The following TTC7B variants were observed in gnomAD, a reference collection of about 807,000 sequenced individuals.
TTC7B encodes the protein tetratricopeptide repeat domain 7B, also known as tetratricopeptide repeat protein 7B.
A neutral mutation model predicts 106.8 loss-of-function variants in TTC7B; 28 were observed. The observed-to-expected ratio is 0.26, with a 90% confidence interval of 0.19 to 0.36. TTC7B has a LOEUF of 0.36. Ranked by LOEUF, TTC7B falls within the 10% of genes least tolerant of loss-of-function variation. The pLI is 1.00. For missense variants in TTC7B, 862 were observed against 1,076.4 expected (o/e 0.80, Z 2.79); for synonymous variants, 405 against 430.6 (o/e 0.94, Z 0.74).
In TTC7B at chr14:90,678,343, G is replaced by A. The variant is rs566574024; in HGVS notation, c.1015-1683C>T. Among the ~76,000 whole-genome samples the A allele has an allele frequency of 6.6e-5, 10 of 152,168 alleles. 1 individual carries two copies. Among genetic ancestry groups the A allele is most frequent in the East Asian group, 3.9e-4 (2 of 5,176 alleles). ...GATACCTTGTAGGTGGAGAAGCGAC[G>A]GACAAATTCATGCTTCTGAATTAAA... On this transcript the variant is annotated intron_variant, in intron 8 of 19. Coordinates refer to ENST00000328459, the MANE Select transcript of TTC7B (RefSeq NM_001010854.2).
chr14:90,578,248 G>A lies in TTC7B; in HGVS notation c.2168C>T (p.Ala723Val), dbSNP rs1194709809. 6.2e-7 allele frequency: 1 copy of A among 1,614,118 alleles called. No homozygotes were observed. The highest frequency in any genetic ancestry group is 2.2e-5 in the East Asian group (1 of 44,890). ...AEATACTQEAANLFPMSHNVL... is the reference protein window; with the variant it reads ...AEATACTQEAVNLFPMSHNVL... Reference sequence around the variant, plus strand: ...ATTGTGGGACATTGGGAAGAGGTTGGCAGCTTCTTGGGTACAGGCTGTGGC... The same window carrying A: ...ATTGTGGGACATTGGGAAGAGGTTGACAGCTTCTTGGGTACAGGCTGTGGC... The change falls in exon 19 of 20, where the codon GCC (alanine) becomes GTC (valine). Residue 723 changes from alanine to valine, a missense_variant. Ala to Val is a moderately conservative substitution (Grantham distance 64). Coordinates refer to ENST00000328459, the MANE Select transcript of TTC7B (RefSeq NM_001010854.2). This position sits in a 1 kb window ranked among gnomAD's most constrained non-coding sequence, Gnocchi z 4.7.
chr14:90,668,255 G>A (rs753454915), intron 9 of TTC7B, among the ~76,000 whole-genome samples: 5 of 152,020 alleles, frequency 3.3e-5, no homozygotes, highest in East Asian at 1.9e-4. Context: ...AAGAGGAATC[G>A]AACAATATAT....
At position 90,816,264 on chromosome 14, in the gene TTC7B, T is replaced by C; in HGVS notation, c.32A>G (p.Glu11Gly). Residue 11 changes from glutamate to glycine, a missense_variant, in exon 1 of 20, where the codon GAG becomes GGG. Transcript: ENST00000328459. ...GGAGCGGCAGCGCTCGATCTCCGTC[T>C]CCAGCCGCGAGCCTGCCTTCTTGGT... The part of the protein sequence containing the change: MATKKAGSRL[E>G]TEIERCRSEC... 8.1e-7 allele frequency: 1 copy of C among 1,240,402 alleles called. No homozygotes were observed. 76.8% of individuals were successfully genotyped at this position (1,240,402 alleles called of 1,614,324 possible).
At chr14:90,545,932 C>A (rs890638778) in intron 19 of TTC7B, among the ~76,000 whole-genome samples, 4 of 152,224 alleles carry the variant, frequency 2.6e-5, no homozygotes, top group Non-Finnish European at 4.4e-5. Context: ...AACGTAGGAA[C>A]TGCCATTTTC....
intron 3 of TTC7B, among the ~76,000 whole-genome samples, chr14:90,756,107 C>T (rs1025554742): frequency 2.0e-5 from 3 of 152,170 alleles, no homozygotes; most frequent in Non-Finnish European, 4.4e-5. Flanking sequence ...TTCTAGTTTC[C>T]TTCCTAAGAA....
At chr14:90,732,792 T>C (rs1427890749) in intron 4 of TTC7B, among the ~76,000 whole-genome samples, 1 of 152,102 alleles carries the variant, frequency 6.6e-6, no homozygotes, top group African/African-American at 2.4e-5. Context: ...CCTGAATAAT[T>C]TTTCATAATC....
Position 90,534,793 on chromosome 14 carries a change from G to A in TTC7B, c.*6575C>T, listed in dbSNP as rs1393964191. 2.0e-5 allele frequency: 3 copies of A among 152,408 alleles called. No homozygotes were observed. The highest frequency in any genetic ancestry group is 1.3e-4 in the Admixed American group (2 of 15,282). 9.4% of individuals were successfully genotyped at this position (152,408 alleles called of 1,614,324 possible). ...GCTGCAGGGACCTGGGCTGGGGCTG[G>A]GGCAGCAGGTGACAGGCTGGTGACA... On this transcript the variant is annotated 3_prime_UTR_variant, in exon 20 of 20. Coordinates refer to ENST00000328459, the MANE Select transcript of TTC7B (RefSeq NM_001010854.2).
intron 15 of TTC7B, among the ~76,000 whole-genome samples, chr14:90,628,716 G>A (rs1427277992): frequency 1.3e-5 from 2 of 152,210 alleles, no homozygotes; most frequent in African/African-American, 4.8e-5. Context: ...TGGGCTCCAG[G>A]GCCACATGGG....
chr14:90,622,249 G>C (rs2139854210), intron 15 of TTC7B, among the ~76,000 whole-genome samples: 1 of 151,542 alleles, frequency 6.6e-6, no homozygotes, highest in South Asian at 2.1e-4. Flanking sequence ...CTCCCAAATA[G>C]CTGGGACCAC....
intron 4 of TTC7B, among the ~76,000 whole-genome samples, chr14:90,738,462 A>G (rs1179101751): frequency 6.6e-6 from 1 of 152,148 alleles, no homozygotes; most frequent in Non-Finnish European, 1.5e-5. Flanking sequence ...TACAAAAATT[A>G]GCCAGGTGTG....
At chr14:90,658,174 C>T (rs1886028878) in intron 10 of TTC7B, 130 bp downstream of exon 10, 3 of 780,690 alleles carry the variant, frequency 3.8e-6, no homozygotes, top group Admixed American at 4.5e-5. Context: ...TGAGAACGGA[C>T]CACGATAGTT....
In TTC7B at chr14:90,804,057, C is replaced by T. The variant is rs572572659; in HGVS notation, c.121+12118G>A. On this transcript the variant is annotated intron_variant, in intron 1 of 19. Coordinates refer to ENST00000328459, the MANE Select transcript of TTC7B (RefSeq NM_001010854.2). ...GAGAGCCAAAAGAAAGAGCTGTGGC[C>T]GGGCGTTGTGGCTCACGCCTGTAAT... is the stretch of plus-strand genomic sequence containing the variant. Among the ~76,000 whole-genome samples, 14 of 151,984 alleles carry T rather than the reference C, an allele frequency of 9.2e-5. No individual in the cohort carries two copies. The East Asian group carries it at 1.9e-3, about 21-fold the overall frequency.
At chr14:90,716,025 A>G (rs970607195) in intron 5 of TTC7B, among the ~76,000 whole-genome samples, 1 of 152,206 alleles carries the variant, frequency 6.6e-6, no homozygotes, top group African/African-American at 2.4e-5. Flanking sequence ...ATACTTGTTA[A>G]GGCAGAGTAA....
chr14:90,766,416 A>T, intron 3 of TTC7B: 2 of 538,600 alleles, frequency 3.7e-6, no homozygotes, highest in Non-Finnish European at 6.7e-6. Context: ...GGTGAAAGTC[A>T]AGAAAATGAT....
rs1889387972 is a variant in TTC7B, at chr14:90,535,183, A to T, written c.*6185T>A. Reference sequence around the variant, plus strand: ...TGGAAGGAGGCAGAGAGACAGACAGACGAGCCCATGGATCCCAAATGGGGC... The same window carrying T: ...TGGAAGGAGGCAGAGAGACAGACAGTCGAGCCCATGGATCCCAAATGGGGC... On this transcript the variant is annotated 3_prime_UTR_variant, in exon 20 of 20. Transcript: ENST00000328459. 1 of 152,614 alleles carries T rather than the reference A, an allele frequency of 6.6e-6. No individual in the cohort carries two copies. The highest frequency in any genetic ancestry group is 1.9e-4 in the East Asian group (1 of 5,138). The allele number at this position is 152,614 out of a possible 1,614,324, so 9.5% of individuals were successfully genotyped here.
At chr14:90,706,163 T>TA (rs1213809324) in intron 5 of TTC7B, among the ~76,000 whole-genome samples, 2 of 9,874 alleles carry the variant, frequency 2.0e-4, no homozygotes, top group Admixed American at 2.0e-3. Context: ...CTGGAATAAT[T>TA]TTTTTTTTTT....
chr14:90,650,974 A>C (rs181918487), intron 13 of TTC7B, among the ~76,000 whole-genome samples: 2 of 152,348 alleles, frequency 1.3e-5, no homozygotes, highest in Admixed American at 6.5e-5. Flanking sequence ...ATTAAGAGTT[A>C]ACTTTCTTGT....
At chr14:90,701,148 A>T (rs985008803) in intron 5 of TTC7B, among the ~76,000 whole-genome samples, 1 of 152,098 alleles carries the variant, frequency 6.6e-6, no homozygotes, top group Non-Finnish European at 1.5e-5. Context: ...GGATATAGTG[A>T]CGGAGGGTGT....
chr14:90,566,357 A>G (rs1390976410), intron 19 of TTC7B, among the ~76,000 whole-genome samples: 1 of 152,124 alleles, frequency 6.6e-6, no homozygotes, highest in African/African-American at 2.4e-5. Flanking sequence ...AAAAAAAAAA[A>G]AGAAGGCACT....
Sources: allele counts gnomAD v4.1 joint callset (sites outside exome capture counted in the v4.1 genomes callset), GRCh38; gene constraint gnomAD v4.1.1; non-coding constraint Gnocchi (gnomAD v3.1); transcripts MANE v1.5; gene names NCBI Gene and HGNC (gene_info 2026-07-23, HGNC 2026-07-21).